PPP1R12C: variants seen among roughly 807,000 people sequenced by gnomAD.
PPP1R12C encodes leukocyte receptor cluster (LRC) encoded novel gene 3.
PPP1R12C carries 48 observed loss-of-function variants against 95.6 expected under a neutral mutation model. The ratio of observed to expected loss-of-function variants is 0.50; its 90% CI spans 0.40 to 0.64. The LOEUF (loss-of-function observed/expected upper bound fraction) is 0.64, where lower values mean the gene tolerates loss of function less well. Ranked by LOEUF, PPP1R12C falls within the 30% of genes least tolerant of loss-of-function variation. The pLI is 0.00. For missense variants in PPP1R12C, 1,057 were observed against 1,083.3 expected (o/e 0.98, Z 0.34); for synonymous variants, 480 against 460.8 (o/e 1.04, Z -0.53).
chr19:55,117,494 G>A lies in PPP1R12C; in HGVS notation c.50C>T (p.Ala17Val). 9.8e-7 allele frequency: 1 copy of A among 1,019,772 alleles called. No individual in the cohort carries two copies. Among genetic ancestry groups the A allele is most frequent in the Admixed American group, 5.2e-5 (1 of 19,078 alleles). The allele number at this position is 1,019,772 out of a possible 1,614,324, so 63.2% of individuals were successfully genotyped here. Residue 17 changes from alanine to valine, a missense_variant, in exon 1 of 22, where the codon GCT becomes GTT. Coordinates refer to ENST00000263433, the MANE Select transcript of PPP1R12C (RefSeq NM_017607.4). The part of the protein sequence containing the change: ...PAAGPGAAAA[A>V]ARERRREQLR... ...CTGCTCCCGTCGCCGCTCCCGGGCA[G>A]CCGCCGCCGCCGCCCCCGGGCCAGC...
chr19:55,099,102 G>T lies in PPP1R12C; in HGVS notation c.732-7C>A. 2 of 1,526,492 alleles carry T rather than the reference G, an allele frequency of 1.3e-6. No individual in the cohort carries two copies. The highest frequency in any genetic ancestry group is 1.8e-6 in the Non-Finnish European group (2 of 1,134,812). 94.6% of individuals were successfully genotyped at this position (1,526,492 alleles called of 1,614,324 possible). ...GCCAGCCTGAAGGAGCAACCTGGGG[G>T]CCAGGGAGGCTCAGGGTCAGAGGCC... On this transcript the variant is annotated splice_region_variant and splice_polypyrimidine_tract_variant and intron_variant, in intron 4 of 21. Transcript: ENST00000263433.
chr19:55,106,746 T>G (rs117579136), intron 3 of PPP1R12C, among the ~76,000 whole-genome samples: 1 of 152,214 alleles, frequency 6.6e-6, no homozygotes. Flanking sequence ...TGACCTCATC[T>G]TGACTTTCCT....
At chr19:55,095,738 G>A (rs1415365739) in intron 9 of PPP1R12C, 129 bp downstream of exon 9, 4 of 1,513,998 alleles carry the variant, frequency 2.6e-6, no homozygotes, top group South Asian at 2.3e-5. Context: ...AAAGGAAGCC[G>A]GTTGTCCAGG....
Position 55,113,410 on chromosome 19 carries a change from G to C in PPP1R12C, c.322-615C>G, listed in dbSNP as rs779194994. 84 of 1,492,052 alleles carry C rather than the reference G, an allele frequency of 5.6e-5. No individual in the cohort carries two copies. The Middle Eastern group carries it at 6.5e-4, about 11-fold the overall frequency. 92.4% of individuals were successfully genotyped at this position (1,492,052 alleles called of 1,614,324 possible). On this transcript the variant is annotated intron_variant, in intron 1 of 21. Coordinates refer to ENST00000263433, the MANE Select transcript of PPP1R12C (RefSeq NM_017607.4). ...TGCACACCTGTGTGCCTGGGCCCCA[G>C]GCTGTCACACTCCAGTTCACTGAGG...
intron 3 of PPP1R12C, among the ~76,000 whole-genome samples, chr19:55,107,107 GA>G (rs1289405709): frequency 6.6e-6 from 1 of 151,714 alleles, no homozygotes; most frequent in Non-Finnish European, 1.5e-5. Context: ...TAAGGCCATA[GA>G]CTGCCTTTAA....
intron 3 of PPP1R12C, among the ~76,000 whole-genome samples, chr19:55,111,143 G>T (rs1363003375): frequency 2.2e-5 from 3 of 138,624 alleles, no homozygotes; most frequent in South Asian, 2.4e-4. Context: ...TTCGTGGGGT[G>T]GGGGGGAGGG....
In PPP1R12C at chr19:55,112,694, G is replaced by A. The variant is rs1174185557; in HGVS notation, c.423C>T (p.Ala141=). 3.1e-6 allele frequency: 5 copies of A among 1,613,820 alleles called. No individual in the cohort carries two copies. The highest frequency in any genetic ancestry group is 1.7e-5 in the Admixed American group (1 of 59,996). ...DNEGWTPLHV[A]ASCGYLDIAR... is the part of the protein sequence containing the mutation. ...CGATATCTAGGTAGCCACAGGAGGCGGCCACGTGCAGTGGCGTCCAGCCCT... is the reference window on the plus strand; with the variant it reads ...CGATATCTAGGTAGCCACAGGAGGCAGCCACGTGCAGTGGCGTCCAGCCCT... Residue 141 remains alanine, a synonymous_variant, in exon 2 of 22, where the codon GCC becomes GCT. Coordinates refer to ENST00000263433, the MANE Select transcript of PPP1R12C (RefSeq NM_017607.4).
rs2085009432 is a variant in PPP1R12C, at chr19:55,104,179, A to AGT, written c.572-613_572-612dup. Among the ~76,000 whole-genome samples the AGT allele has an allele frequency of 5.7e-5, 6 of 104,348 alleles. No homozygotes were observed. The South Asian group carries it at 1.1e-3, about 18-fold the overall frequency. The allele number at this position is 104,348 out of a possible 152,430, so 68.5% of individuals were successfully genotyped here. A position where few individuals can be genotyped will look rare whatever the true frequency, so the allele number is the denominator to read the frequency against. On this transcript the variant is annotated intron_variant, in intron 3 of 21. Coordinates refer to ENST00000263433, the MANE Select transcript of PPP1R12C (RefSeq NM_017607.4). ...CTCTGTCTAAAAAAAAAAAAAAAAA[A>AGT]GTATATATATATATATATATACACA...
chr19:55,098,705 G>C, intron 6 of PPP1R12C, 79 bp downstream of exon 6: 6 of 1,531,318 alleles, frequency 3.9e-6, no homozygotes, highest in Non-Finnish European at 4.5e-6. Flanking sequence ...AGTCGGGGGG[G>C]TTCCCCCTCT....
intron 4 of PPP1R12C, among the ~76,000 whole-genome samples, chr19:55,099,958 G>A (rs1353594655): frequency 6.6e-6 from 1 of 152,162 alleles, no homozygotes; most frequent in African/African-American, 2.4e-5. Context: ...TCTACAAAGA[G>A]GCCTTATAAG....
chr19:55,096,317 C>A lies in PPP1R12C; in HGVS notation c.970G>T (p.Ala324Ser). The A allele has an allele frequency of 1.2e-6, 2 of 1,613,620 alleles. No homozygotes were observed. Among genetic ancestry groups the A allele is most frequent in the Non-Finnish European group, 1.7e-6 (2 of 1,179,900 alleles). Residue 324 changes from alanine (A) to serine (S), a missense_variant, in exon 7 of 22, where the codon GCT (alanine) becomes TCT (serine). Physicochemically the swap from Ala to Ser is moderately conservative, Grantham distance 99. Around this residue, in one of 5 missense-constraint regions of PPP1R12C, gnomAD observed 356 missense variants for 330.5 expected, o/e 1.08. Coordinates refer to ENST00000263433, the MANE Select transcript of PPP1R12C (RefSeq NM_017607.4). ...KQEDLRNQKE[A>S]SQSRGQEPQA... ...GGCTCCTGGCCCCGGCTCTGGGAAGCTTCTTTTTGGTTCCGAAGCTGCAAG... is the reference window on the plus strand; with the variant it reads ...GGCTCCTGGCCCCGGCTCTGGGAAGATTCTTTTTGGTTCCGAAGCTGCAAG...
rs550738696 is a variant in PPP1R12C, at chr19:55,090,988, A to T, written c.*484T>A. Reference sequence around the variant, plus strand: ...AAAATACCTTCTCCCCCTGCCCCAGACAGTGGGCGGGGAGGGGGCAGCAAA... The same window carrying T: ...AAAATACCTTCTCCCCCTGCCCCAGTCAGTGGGCGGGGAGGGGGCAGCAAA... On this transcript the variant is annotated 3_prime_UTR_variant, in exon 22 of 22. Coordinates refer to ENST00000263433, the MANE Select transcript of PPP1R12C (RefSeq NM_017607.4). 6.3e-6 allele frequency: 1 copy of T among 157,714 alleles called. No individual in the cohort carries two copies. Among genetic ancestry groups the T allele is most frequent in the African/African-American group, 2.4e-5 (1 of 41,628 alleles). The allele number at this position is 157,714 out of a possible 1,614,324, so 9.8% of individuals were successfully genotyped here.
intron 3 of PPP1R12C, among the ~76,000 whole-genome samples, chr19:55,107,129 T>A (rs571644517): frequency 5.5e-4 from 82 of 149,368 alleles, no homozygotes; most frequent in African/African-American, 1.9e-3. Flanking sequence ...AAAAAAAAAA[T>A]GTGACCAGGC....
rs1408756873 is a variant in PPP1R12C, at chr19:55,109,536, T to C, written c.571+2931A>G. ...GGAGCGGTGGCTCCAGGCCACGAGG[T>C]GACTGGCTGAGCAGATCACGTGCTC... On this transcript the variant is annotated intron_variant, in intron 3 of 21. Transcript: ENST00000263433. The surrounding 1 kb of genome is among the most constrained non-coding windows in gnomAD (Gnocchi z 4.4). Among the ~76,000 whole-genome samples, 1 of 152,032 alleles carries C rather than the reference T, an allele frequency of 6.6e-6. No homozygotes were observed. The highest frequency in any genetic ancestry group is 1.5e-5 in the Non-Finnish European group (1 of 67,998).
chr19:55,098,958 G>T lies in PPP1R12C; in HGVS notation c.869C>A (p.Thr290Asn). Reference sequence around the variant, plus strand: ...CTGGGCACTGGCCCTCACCGCATGGGTCAGTGAGTCCATGCCCCCGCCATG... The same window carrying T: ...CTGGGCACTGGCCCTCACCGCATGGTTCAGTGAGTCCATGCCCCCGCCATG... ...AEHGGGMDSLTHAGQRPCDLA... is the reference protein window; with the variant it reads ...AEHGGGMDSLNHAGQRPCDLA... Residue 290 changes from threonine (T) to asparagine (N), a missense_variant, in exon 5 of 22, where the codon ACC (threonine) becomes AAC (asparagine). This residue lies in a region of PPP1R12C where 282 missense variants were observed against 380.4 expected (regional missense o/e 0.74). Coordinates refer to ENST00000263433, the MANE Select transcript of PPP1R12C (RefSeq NM_017607.4). 3 of 1,578,160 alleles carry T rather than the reference G, an allele frequency of 1.9e-6. No individual in the cohort carries two copies. The highest frequency in any genetic ancestry group is 1.7e-6 in the Non-Finnish European group (2 of 1,161,784).
Position 55,101,830 on chromosome 19 carries a change from C to G in PPP1R12C, c.731+1579G>C, listed in dbSNP as rs187622913. ...GGGCTCTGCTTCAGCAGGTGCTAAG[C>G]AGAAGGGACAGCGGTCTGGAGCTGT... On this transcript the variant is annotated intron_variant, in intron 4 of 21. Transcript: ENST00000263433. Among the ~76,000 whole-genome samples the G allele has an allele frequency of 4.9e-3, 743 of 152,222 alleles. 10 individuals carry two copies. Among genetic ancestry groups the G allele is most frequent in the African/African-American group, 0.017 (722 of 41,536 alleles).
chr19:55,095,112 A>G (rs1344753050), intron 11 of PPP1R12C, 179 bp downstream of exon 11: 9 of 758,404 alleles, frequency 1.2e-5, no homozygotes, highest in Non-Finnish European at 1.9e-5. Flanking sequence ...GGAGAAGGTG[A>G]CGTTTCAACA....
At chr19:55,113,618 T>C in intron 1 of PPP1R12C, 1 of 1,281,060 alleles carries the variant, frequency 7.8e-7, no homozygotes, top group South Asian at 2.4e-5. Flanking sequence ...GAGGAAGGAG[T>C]GAAGCTAAAC....
chr19:55,108,185 C>T (rs2085058900), intron 3 of PPP1R12C, among the ~76,000 whole-genome samples: 1 of 152,050 alleles, frequency 6.6e-6, no homozygotes, highest in Admixed American at 6.6e-5. Context: ...ATCTGCCCAC[C>T]TCGGCCTCCC....
Sources: allele counts gnomAD v4.1 joint callset (sites outside exome capture counted in the v4.1 genomes callset), GRCh38; gene constraint gnomAD v4.1.1; regional missense constraint gnomAD v4.1.1; non-coding constraint Gnocchi (gnomAD v3.1); transcripts MANE v1.5; gene names NCBI Gene and HGNC (gene_info 2026-07-23, HGNC 2026-07-21).